The following SND1 variants were observed in gnomAD, a reference collection of about 807,000 sequenced individuals.
SND1 encodes the protein staphylococcal nuclease and tudor domain containing 1.
In SND1, 38 loss-of-function variants were observed where a neutral mutation model predicts 121.7. The observed-to-expected ratio is 0.31, with a 90% CI of 0.24 to 0.41. The LOEUF is 0.41. SND1 is among the 10% of genes least tolerant of loss of function. SND1 has a pLI of 1.00. For synonymous variants in SND1, 401 were observed against 447.4 expected (o/e 0.90, Z 1.31); for missense variants, 868 against 1,184.6 (o/e 0.73, Z 3.92).
At chr7:127,733,425 G>A (rs1796716225) in intron 10 of SND1, among the ~76,000 whole-genome samples, 1 of 152,182 alleles carries the variant, frequency 6.6e-6, no homozygotes, top group Admixed American at 6.5e-5. Flanking sequence ...TTTTTGAACA[G>A]TTCTGAAGCT....
At chr7:127,950,810 T>C (rs747086221) in intron 15 of SND1, among the ~76,000 whole-genome samples, 1 of 152,222 alleles carries the variant, frequency 6.6e-6, no homozygotes, top group African/African-American at 2.4e-5. Flanking sequence ...GATTCTGGAC[T>C]GCATACTCAT....
Position 127,976,507 on chromosome 7 carries a change from A to T in SND1, c.1670-14440A>T, listed in dbSNP as rs549977376. ...TGGTGCTTTGGTGCACTGTTGCCAC[A>T]CTGTGACAGGGGCTAAAAAGCTTCC... On this transcript the variant is annotated intron_variant, in intron 15 of 23. Coordinates refer to ENST00000354725, the MANE Select transcript of SND1 (RefSeq NM_014390.4). Among the ~76,000 whole-genome samples, 16 of 152,366 alleles carry T rather than the reference A, an allele frequency of 1.1e-4. No homozygotes were observed. In the East Asian group the frequency reaches 2.9e-3, roughly 28 times the overall value.
At chr7:128,054,427 C>T (rs1336586725) in intron 16 of SND1, among the ~76,000 whole-genome samples, 2 of 152,178 alleles carry the variant, frequency 1.3e-5, no homozygotes, top group African/African-American at 4.8e-5. Flanking sequence ...TCTGGAAATG[C>T]CCAAAGGGAA....
rs544768369 is a variant in SND1, at chr7:128,048,786, G to A, written c.1780-25716G>A. Among the ~76,000 whole-genome samples, 19 of 152,292 alleles carry A rather than the reference G, an allele frequency of 1.2e-4. No homozygotes were observed. In the East Asian group the frequency reaches 3.7e-3, roughly 29 times the overall value. On this transcript the variant is annotated intron_variant, in intron 16 of 23. Coordinates refer to ENST00000354725, the MANE Select transcript of SND1 (RefSeq NM_014390.4). ...AGGGTATATGTGTATCATCCCTGCT[G>A]CTGTAAGAGATCCTCAGTTCTCCAA...
At chr7:128,076,334 A>T (rs1345419005) in intron 17 of SND1, among the ~76,000 whole-genome samples, 2 of 152,210 alleles carry the variant, frequency 1.3e-5, no homozygotes, top group Admixed American at 6.5e-5. Flanking sequence ...AGTAATTACC[A>T]GTGATTAATT....
intron 12 of SND1, among the ~76,000 whole-genome samples, chr7:127,860,675 G>A (rs372867839): frequency 6.6e-6 from 1 of 152,098 alleles, no homozygotes; most frequent in Non-Finnish European, 1.5e-5. Context: ...TATTATTACT[G>A]TTGTTTTAAA....
chr7:127,830,365 G>C (rs1012051481), intron 11 of SND1, among the ~76,000 whole-genome samples: 18 of 152,262 alleles, frequency 1.2e-4, no homozygotes, highest in African/African-American at 3.9e-4. Context: ...GTGTTTCTTG[G>C]TGCTAATGCT....
chr7:127,867,691 A>G (rs1025180767), intron 12 of SND1, among the ~76,000 whole-genome samples: 17 of 152,052 alleles, frequency 1.1e-4, no homozygotes, highest in Admixed American at 1.1e-3. Flanking sequence ...ATAACTCAGC[A>G]GTTCTTTTTA....
rs141837055 is a variant in SND1 at position 127,881,806 on chromosome 7, C to A, written c.1344-6096C>A. 5.7e-4 allele frequency among the ~76,000 whole-genome samples: 87 copies of A among 152,228 alleles called. 1 individual carries two copies. The highest frequency in any genetic ancestry group is 1.8e-3 in the African/African-American group (76 of 41,556). ...GAGTCTGGAGTGCAGTGATGTGACA[C>A]TCTGTCACCCAGTCTGGAGTGCAGT... On this transcript the variant is annotated intron_variant, in intron 12 of 23. Coordinates refer to ENST00000354725, the MANE Select transcript of SND1 (RefSeq NM_014390.4).
At chr7:128,027,861 T>TAG (rs1411324872) in intron 16 of SND1, 3 of 151,190 alleles carry the variant, frequency 2.0e-5, no homozygotes, top group Non-Finnish European at 4.4e-5. Flanking sequence ...AAACCCTGAA[T>TAG]AGACACATGC....
At chr7:128,048,460 G>A (rs1187180636) in intron 16 of SND1, among the ~76,000 whole-genome samples, 5 of 152,124 alleles carry the variant, frequency 3.3e-5, no homozygotes, top group African/African-American at 1.2e-4. Flanking sequence ...CATGTATGAC[G>A]CCTCAATTTA....
At chr7:127,716,698 A>G (rs1796397102) in intron 9 of SND1, among the ~76,000 whole-genome samples, 2 of 152,044 alleles carry the variant, frequency 1.3e-5, no homozygotes, top group South Asian at 4.1e-4. Context: ...TTTCTTGCTG[A>G]ACTTCTTTGG....
intron 15 of SND1, among the ~76,000 whole-genome samples, chr7:127,969,143 T>C (rs1383408658): frequency 6.6e-6 from 1 of 152,094 alleles, no homozygotes; most frequent in Non-Finnish European, 1.5e-5. Context: ...AAGTAAATAG[T>C]TGGTGGTGGG....
chr7:127,841,639 G>A (rs1364283459), intron 11 of SND1, among the ~76,000 whole-genome samples: 1 of 152,118 alleles, frequency 6.6e-6, no homozygotes, highest in Non-Finnish European at 1.5e-5. Flanking sequence ...TCCCTTCCCT[G>A]GTTCTGAGTT....
At chr7:128,081,163 AT>A (rs1793594515) in intron 17 of SND1, among the ~76,000 whole-genome samples, 196 bp from the exon 18 acceptor site, 1 of 151,824 alleles carries the variant, frequency 6.6e-6, no homozygotes, top group African/African-American at 2.4e-5. Context: ...CACCCAGCTA[AT>A]TTTTTGTATT....
At chr7:127,751,341 C>T (rs1797090327) in intron 10 of SND1, among the ~76,000 whole-genome samples, 1 of 152,126 alleles carries the variant, frequency 6.6e-6, no homozygotes, top group African/African-American at 2.4e-5. Flanking sequence ...TATTGTAGCC[C>T]ATGAATTAGG....
intron 10 of SND1, among the ~76,000 whole-genome samples, chr7:127,743,415 A>T (rs1412100914): frequency 1.3e-5 from 2 of 152,160 alleles, no homozygotes; most frequent in African/African-American, 4.8e-5. Flanking sequence ...GCAAACATTT[A>T]CTGTCACTGC....
intron 12 of SND1, among the ~76,000 whole-genome samples, chr7:127,880,353 A>G (rs1172123432): frequency 6.6e-6 from 1 of 152,186 alleles, no homozygotes; most frequent in Non-Finnish European, 1.5e-5. Flanking sequence ...TACAGAGTTC[A>G]GTACTATGTG....
intron 15 of SND1, among the ~76,000 whole-genome samples, chr7:127,977,627 GGTATAAA>G (rs1802153009): frequency 6.6e-6 from 1 of 152,050 alleles, no homozygotes; most frequent in Non-Finnish European, 1.5e-5. Flanking sequence ...AGAATAGTAT[GGTATAAA>G]GTATAAAGAA....
Sources: allele counts gnomAD v4.1 joint callset (sites outside exome capture counted in the v4.1 genomes callset), GRCh38; gene constraint gnomAD v4.1.1; transcripts MANE v1.5; gene names NCBI Gene and HGNC (gene_info 2026-07-23, HGNC 2026-07-21).